The following DDHD1 variants were observed in gnomAD, a reference collection of about 807,000 sequenced individuals.
The protein encoded by DDHD1 is phospholipase DDHD1.
DDHD1 carries 49 observed loss-of-function variants against 96.4 expected under a neutral mutation model. That is an observed-to-expected ratio of 0.51 (90% CI 0.40 to 0.64). The LOEUF (loss-of-function observed/expected upper bound fraction) is 0.64, where lower values mean the gene tolerates loss of function less well. Among genes scored for constraint, DDHD1 ranks in the 30% least tolerant of loss-of-function variants. The pLI is 0.00. For synonymous variants in DDHD1, 442 were observed against 446.5 expected (o/e 0.99, Z 0.13); for missense variants, 1,106 against 1,161.2 (o/e 0.95, Z 0.69).
At chr14:53,067,841 C>CA (rs1884172964) in intron 6 of DDHD1, among the ~76,000 whole-genome samples, 1 of 152,180 alleles carries the variant, frequency 6.6e-6, no homozygotes, top group Admixed American at 6.5e-5. Flanking sequence ...AACCTTTACC[C>CA]AGGTTCACAT....
intron 6 of DDHD1, among the ~76,000 whole-genome samples, chr14:53,064,300 C>T (rs1002750494): frequency 1.3e-5 from 2 of 151,974 alleles, no homozygotes; most frequent in Non-Finnish European, 2.9e-5. Flanking sequence ...AGTTCTTAAT[C>T]GTTTTTATTT....
At chr14:53,110,751 G>T (rs568428290) in intron 1 of DDHD1, among the ~76,000 whole-genome samples, 17 of 152,014 alleles carry the variant, frequency 1.1e-4, no homozygotes, top group Non-Finnish European at 2.2e-4. Context: ...TGAGGTGGGC[G>T]GATCATCTGA....
intron 2 of DDHD1, among the ~76,000 whole-genome samples, chr14:53,102,552 G>C (rs1887383474): frequency 6.6e-6 from 1 of 151,956 alleles, no homozygotes; most frequent in Admixed American, 6.6e-5. Flanking sequence ...AGTTTCCTCA[G>C]TTATATAGAC....
chr14:53,109,241 A>G (rs1887926675), intron 1 of DDHD1, among the ~76,000 whole-genome samples: 1 of 151,928 alleles, frequency 6.6e-6, no homozygotes, highest in South Asian at 2.1e-4. Flanking sequence ...GAGCAATGCT[A>G]CTCTGAAGCT....
At position 53,062,946 on chromosome 14, in the gene DDHD1, C is replaced by A; in HGVS notation, c.1763G>T (p.Arg588Leu). ...HLLDELYITK[R>L]RLKEIEERLH... Reference sequence around the variant, plus strand: ...TCAAAAGATGAGGATATTTTACCGTCGTTTAGTTATATAGAGTTCATCAAG... The same window carrying A: ...TCAAAAGATGAGGATATTTTACCGTAGTTTAGTTATATAGAGTTCATCAAG... Residue 588 changes from arginine to leucine, a missense_variant, in exon 7 of 13, where the codon CGA becomes CTA. Physicochemically the swap from Arg to Leu is moderately radical, Grantham distance 102 (BLOSUM62 -2). Around this residue, in one of 2 missense-constraint regions of DDHD1, gnomAD observed 650 missense variants for 758.8 expected, o/e 0.86. Coordinates refer to ENST00000673822, the MANE Select transcript of DDHD1 (RefSeq NM_001160148.2). The A allele has an allele frequency of 6.2e-7, 1 of 1,609,794 alleles. No homozygotes were observed. The highest frequency in any genetic ancestry group is 1.1e-5 in the South Asian group (1 of 90,486).
chr14:53,080,243 C>T (rs1159969063), intron 4 of DDHD1, among the ~76,000 whole-genome samples: 1 of 152,108 alleles, frequency 6.6e-6, no homozygotes, highest in African/African-American at 2.4e-5. Context: ...CACCTGTAGT[C>T]CCAGCTATTT....
Position 53,039,395 on chromosome 14 carries a change from G to C in DDHD1, c.*7373C>G, listed in dbSNP as rs1432391285. ...AGTTAGGGTTCTGTGCCTATTTCTT[G>C]TCTAATCATTGTGGCTTATGGGGTG... is the stretch of plus-strand genomic sequence containing the variant. On this transcript the variant is annotated 3_prime_UTR_variant, in exon 13 of 13. Coordinates refer to ENST00000673822, the MANE Select transcript of DDHD1 (RefSeq NM_001160148.2). 2 of 152,202 alleles carry C rather than the reference G, an allele frequency of 1.3e-5. No homozygotes were observed. Among genetic ancestry groups the C allele is most frequent in the African/African-American group, 2.4e-5 (1 of 41,446 alleles). The allele number at this position is 152,202 out of a possible 1,614,324, so 9.4% of individuals were successfully genotyped here.
At chr14:53,084,954 T>C (rs1885811541) in intron 4 of DDHD1, among the ~76,000 whole-genome samples, 1 of 152,208 alleles carries the variant, frequency 6.6e-6, no homozygotes, top group Non-Finnish European at 1.5e-5. Flanking sequence ...TCTGAGCAAA[T>C]GTCACACCAG....
chr14:53,116,976 TAAAG>T (rs1229951985), intron 1 of DDHD1, among the ~76,000 whole-genome samples: 1 of 151,652 alleles, frequency 6.6e-6, no homozygotes, highest in Non-Finnish European at 1.5e-5. Context: ...GCTAGACTAA[TAAAG>T]AAAAGAGAGA....
At chr14:53,106,024 T>C (rs1887666284) in intron 1 of DDHD1, among the ~76,000 whole-genome samples, 1 of 152,054 alleles carries the variant, frequency 6.6e-6, no homozygotes, top group Non-Finnish European at 1.5e-5. Context: ...AATCGACTTT[T>C]TGCCTACTTT....
rs772680991 is a variant in DDHD1 at position 53,152,604 on chromosome 14, C to T, written c.495G>A (p.Pro165=). The T allele has an allele frequency of 3.7e-6, 6 of 1,613,780 alleles. No homozygotes were observed. The highest frequency in any genetic ancestry group is 5.1e-6 in the Non-Finnish European group (6 of 1,179,944). ...HRYEVVTELG[P]EEVRWFYKED... ...CCTTGTAGAACCAGCGTACCTCCTC[C>T]GGGCCCAGCTCCGTCACTACCTCAT... is the stretch of plus-strand genomic sequence containing the variant. The change falls in exon 1 of 13, where the codon CCG becomes CCA. Residue 165 remains proline (P), a synonymous_variant. Transcript: ENST00000673822.
At position 53,042,194 on chromosome 14, in the gene DDHD1, C is replaced by A. The variant is rs1424829550; in HGVS notation, c.*4574G>T. 1 of 152,116 alleles carries A rather than the reference C, an allele frequency of 6.6e-6. No homozygotes were observed. The highest frequency in any genetic ancestry group is 1.5e-5 in the Non-Finnish European group (1 of 68,014). 9.4% of individuals were successfully genotyped at this position (152,116 alleles called of 1,614,324 possible). Reference sequence around the variant, plus strand: ...TAAATTTGGAGGCCCCCACGCAGCACCAGATAGATTCACAGAGCATTTAGT... The same window carrying A: ...TAAATTTGGAGGCCCCCACGCAGCAACAGATAGATTCACAGAGCATTTAGT... On this transcript the variant is annotated 3_prime_UTR_variant, in exon 13 of 13. Coordinates refer to ENST00000673822, the MANE Select transcript of DDHD1 (RefSeq NM_001160148.2).
At chr14:53,056,213 T>C (rs879750334) in intron 9 of DDHD1, among the ~76,000 whole-genome samples, 2 of 152,136 alleles carry the variant, frequency 1.3e-5, no homozygotes, top group Non-Finnish European at 2.9e-5. Context: ...AGGAGCAAAG[T>C]TGAAGTAGTA....
intron 1 of DDHD1, among the ~76,000 whole-genome samples, chr14:53,118,437 CAAG>C (rs561913449): frequency 2.2e-3 from 338 of 152,216 alleles, no homozygotes; most frequent in African/African-American, 7.9e-3. Context: ...GAATGGCTAA[CAAG>C]AATAAACAGT....
intron 9 of DDHD1, among the ~76,000 whole-genome samples, chr14:53,057,244 T>C (rs1347012321): frequency 6.6e-6 from 1 of 152,234 alleles, no homozygotes; most frequent in Admixed American, 6.5e-5. Context: ...CACAATTATA[T>C]GAAGCTATTT....
chr14:53,122,584 T>TTTG (rs1555340325), intron 1 of DDHD1, among the ~76,000 whole-genome samples: 1 of 148,584 alleles, frequency 6.7e-6, no homozygotes, highest in Non-Finnish European at 1.5e-5. Context: ...TGCTAATAGT[T>TTTG]TTTTTTTTTT....
At chr14:53,103,919 AGTATC>A in intron 1 of DDHD1, 63 bp from the exon 2 acceptor site, 1 of 1,439,250 alleles carries the variant, frequency 6.9e-7, no homozygotes, top group Non-Finnish European at 9.2e-7. Context: ...AAAGAGACAC[AGTATC>A]TACAATCTTA....
chr14:53,065,557 G>A (rs1206869379), intron 6 of DDHD1, among the ~76,000 whole-genome samples: 1 of 152,084 alleles, frequency 6.6e-6, no homozygotes, highest in Non-Finnish European at 1.5e-5. Context: ...TTTTAAACTG[G>A]TCCTCAGAAA....
intron 12 of DDHD1, among the ~76,000 whole-genome samples, chr14:53,047,835 T>A (rs1356354001): frequency 2.6e-5 from 4 of 152,190 alleles, no homozygotes; most frequent in African/African-American, 4.8e-5. Context: ...GAATATGACA[T>A]TTTGATCCTT....
Sources: gnomAD v4.1 joint callset for allele counts (sites outside exome capture counted in the v4.1 genomes callset) on GRCh38, gnomAD v4.1.1 for gene constraint, gnomAD v4.1.1 regional missense constraint, MANE v1.5 for transcripts, NCBI Gene and HGNC (gene_info 2026-07-23, HGNC 2026-07-21) for gene names.